NREP: variants seen among roughly 807,000 people sequenced by gnomAD.
The protein encoded by NREP is neuronal regeneration-related protein.
A neutral mutation model predicts 8.6 loss-of-function variants in NREP; 5 were observed. The ratio of observed to expected loss-of-function variants is 0.58; its 90% CI spans 0.30 to 1.22. NREP has a LOEUF of 1.22. Ranked by LOEUF, NREP falls within the 50% of genes most tolerant of loss-of-function variation. NREP has a pLI of 0.07. For synonymous variants in NREP, 27 were observed against 28.0 expected, an observed-to-expected ratio of 0.96 and a Z score of 0.11; for missense variants, 86 against 82.5, an observed-to-expected ratio of 1.04 and a Z score of -0.17.
chr5:111,882,610 C>G (rs1754113992), intron 2 of NREP, among the ~76,000 whole-genome samples: 1 of 152,252 alleles, frequency 6.6e-6, no homozygotes, highest in Admixed American at 6.5e-5. Flanking sequence ...AAGGGAAGCC[C>G]ATCAGACTAA....
chr5:111,865,059 T>G (rs1318467431), intron 2 of NREP, among the ~76,000 whole-genome samples: 1 of 152,144 alleles, frequency 6.6e-6, no homozygotes, highest in Non-Finnish European at 1.5e-5. Flanking sequence ...CAAGTTAGTG[T>G]GTGTACCTGC....
intron 2 of NREP, among the ~76,000 whole-genome samples, chr5:111,960,461 G>T (rs1756448900): frequency 6.6e-6 from 1 of 152,104 alleles, no homozygotes; most frequent in Non-Finnish European, 1.5e-5. Flanking sequence ...ATGTGCCATT[G>T]TTAACAAGGG....
chr5:111,755,496 TTC>T (rs1394844689), intron 2 of NREP: 6 of 447,428 alleles, frequency 1.3e-5, no homozygotes, highest in South Asian at 2.5e-5. Context: ...ACCGAATAGT[TTC>T]TGTTGTTCAA....
chr5:111,838,513 T>C (rs1289575424), intron 2 of NREP, among the ~76,000 whole-genome samples: 3 of 152,126 alleles, frequency 2.0e-5, no homozygotes, highest in Admixed American at 6.6e-5. Context: ...TCCTTGATAA[T>C]GTGTGGGCCT....
intron 2 of NREP, among the ~76,000 whole-genome samples, chr5:111,962,136 G>A (rs188128787): frequency 1.3e-5 from 2 of 152,136 alleles, no homozygotes; most frequent in Non-Finnish European, 2.9e-5. Context: ...TTCAGTTCCA[G>A]TACCATGGCT....
chr5:111,962,655 C>G (rs1756510994), intron 2 of NREP, among the ~76,000 whole-genome samples: 1 of 152,176 alleles, frequency 6.6e-6, no homozygotes, highest in African/African-American at 2.4e-5. Context: ...TGAATAATGT[C>G]TTTTTGTTAA....
At chr5:111,871,965 G>T (rs1236043710) in intron 2 of NREP, among the ~76,000 whole-genome samples, 2 of 149,466 alleles carry the variant, frequency 1.3e-5, no homozygotes, top group Non-Finnish European at 1.5e-5. Flanking sequence ...ATATATGTGT[G>T]CTTACCATAT....
At chr5:111,782,712 C>A in intron 2 of NREP, among the ~76,000 whole-genome samples, 1 of 151,288 alleles carries the variant, frequency 6.6e-6, no homozygotes. Flanking sequence ...GGGTATAGAA[C>A]AACAAAGAAC....
chr5:111,852,593 G>A (rs1472525543), intron 2 of NREP, among the ~76,000 whole-genome samples: 1 of 152,160 alleles, frequency 6.6e-6, no homozygotes, highest in Non-Finnish European at 1.5e-5. Context: ...TTAAAGCCGG[G>A]AGTCCTGGGT....
intron 2 of NREP, among the ~76,000 whole-genome samples, chr5:111,805,859 G>A (rs4957981): frequency 0.17 from 26,517 of 151,994 alleles, 2,664 homozygotes; most frequent in Non-Finnish European, 0.22. Context: ...CGACTGTACC[G>A]CATGGCAATT....
chr5:111,860,008 C>G (rs1276603837), intron 2 of NREP, among the ~76,000 whole-genome samples: 1 of 152,148 alleles, frequency 6.6e-6, no homozygotes, highest in Non-Finnish European at 1.5e-5. Flanking sequence ...TGGAGCCTTC[C>G]TTATGATTCT....
chr5:111,733,122 T>C (rs759162812), intron 3 of NREP: 3 of 152,194 alleles, frequency 2.0e-5, no homozygotes, highest in Non-Finnish European at 4.4e-5. Flanking sequence ...ATTTTTTCTG[T>C]TTCAAGGTCC....
chr5:111,766,476 C>A (rs891066262), intron 2 of NREP, among the ~76,000 whole-genome samples: 2 of 152,184 alleles, frequency 1.3e-5, no homozygotes, highest in Non-Finnish European at 2.9e-5. Context: ...TTCTGCTATT[C>A]ATCAGAGAAA....
At chr5:111,949,263 G>A (rs1756084598) in intron 2 of NREP, among the ~76,000 whole-genome samples, 1 of 151,996 alleles carries the variant, frequency 6.6e-6, no homozygotes, top group Non-Finnish European at 1.5e-5. Flanking sequence ...ACCATTGAAT[G>A]AGACAAAGAG....
At chr5:111,849,021 T>A (rs964529896) in intron 2 of NREP, among the ~76,000 whole-genome samples, 4 of 152,090 alleles carry the variant, frequency 2.6e-5, no homozygotes, top group Non-Finnish European at 5.9e-5. Flanking sequence ...GTGTACAAAT[T>A]TGGGTTTGAG....
chr5:111,970,013 A>T (rs1447074160), intron 2 of NREP, among the ~76,000 whole-genome samples: 1 of 152,196 alleles, frequency 6.6e-6, no homozygotes, highest in Non-Finnish European at 1.5e-5. Flanking sequence ...TAATAATAGA[A>T]TTATAGGGGA....
intron 2 of NREP, among the ~76,000 whole-genome samples, chr5:111,753,330 T>TTATATA (rs10546970): frequency 0.018 from 2,562 of 140,736 alleles, 22 homozygotes; most frequent in Non-Finnish European, 0.022. Context: ...CAAGTTGATT[T>TTATATA]TATATATATA....
At chr5:111,881,954 C>A (rs1390611420) in intron 2 of NREP, among the ~76,000 whole-genome samples, 1 of 152,194 alleles carries the variant, frequency 6.6e-6, no homozygotes, top group African/African-American at 2.4e-5. Flanking sequence ...CAGTTCCTCA[C>A]CAGCAACGGA....
At chr5:111,834,493 T>C (rs1163128028) in intron 2 of NREP, among the ~76,000 whole-genome samples, 1 of 152,174 alleles carries the variant, frequency 6.6e-6, no homozygotes, top group Non-Finnish European at 1.5e-5. Flanking sequence ...ATTAAGAAAA[T>C]GGCAAATGCA....
Sources: gnomAD v4.1 joint callset for allele counts (sites outside exome capture counted in the v4.1 genomes callset) on GRCh38, gnomAD v4.1.1 for gene constraint, MANE v1.5 for transcripts, NCBI Gene and HGNC (gene_info 2026-07-23, HGNC 2026-07-21) for gene names.